TYW1B: variants seen among roughly 807,000 people sequenced by gnomAD.
TYW1B encodes the protein tRNA-yW synthesizing protein 1 homolog B.
Under a neutral mutation model 86.9 loss-of-function variants are expected in TYW1B, and 73 were observed. That is an observed-to-expected ratio of 0.84 (90% CI 0.70 to 1.02). The LOEUF is 1.02. Ranked by LOEUF, TYW1B falls within the 50% of genes least tolerant of loss-of-function variation. The pLI is 0.00. For synonymous variants in TYW1B, 248 were observed against 292.8 expected (o/e 0.85, Z 1.56); for missense variants, 637 against 827.4 (o/e 0.77, Z 2.82).
chr7:72,683,265 C>G (rs1813921816), intron 11 of TYW1B, among the ~76,000 whole-genome samples: 1 of 152,126 alleles, frequency 6.6e-6, no homozygotes, highest in African/African-American at 2.4e-5. Flanking sequence ...AGGGGTACAG[C>G]CTCACTAAAA....
intron 6 of TYW1B, among the ~76,000 whole-genome samples, chr7:72,780,225 T>G (rs1376068086): frequency 6.6e-6 from 1 of 152,178 alleles, no homozygotes; most frequent in East Asian, 1.9e-4. Flanking sequence ...CCGCCTCAGC[T>G]ACCCAAGTAG....
intron 13 of TYW1B, among the ~76,000 whole-genome samples, chr7:72,597,587 C>A (rs55948204): frequency 2.0e-5 from 3 of 150,032 alleles, no homozygotes; most frequent in African/African-American, 2.5e-5. Flanking sequence ...CTGAACGCAC[C>A]CGATCTCGGC....
intron 4 of TYW1B, among the ~76,000 whole-genome samples, chr7:72,810,175 G>A (rs1486135566): frequency 6.6e-6 from 1 of 152,090 alleles, no homozygotes; most frequent in African/African-American, 2.4e-5. Context: ...CTACTCGGGA[G>A]GTTGAGGCAG....
intron 9 of TYW1B, among the ~76,000 whole-genome samples, chr7:72,721,910 T>A (rs1164791705): frequency 6.6e-6 from 1 of 152,158 alleles, no homozygotes; most frequent in Non-Finnish European, 1.5e-5. Context: ...AAATTTTCAT[T>A]CTAATGTCAT....
At chr7:72,676,661 T>TA (rs113315400) in intron 11 of TYW1B, among the ~76,000 whole-genome samples, 76 of 146,826 alleles carry the variant, frequency 5.2e-4, no homozygotes, top group East Asian at 5.9e-4. Context: ...ATAAAGGCTT[T>TA]AAAAAAAAAA....
chr7:72,704,203 G>A (rs1554453241), intron 10 of TYW1B, among the ~76,000 whole-genome samples: 1 of 152,072 alleles, frequency 6.6e-6, no homozygotes, highest in Non-Finnish European at 1.5e-5. Context: ...GGAGGCCAAG[G>A]CAGGCAAATC....
At chr7:72,628,498 G>A (rs1182415462) in intron 12 of TYW1B, among the ~76,000 whole-genome samples, 4 of 152,080 alleles carry the variant, frequency 2.6e-5, no homozygotes, top group African/African-American at 7.2e-5. Flanking sequence ...TGGGTGGATG[G>A]GAGTTCATTA....
At chr7:72,680,755 C>T (rs1170580335) in intron 11 of TYW1B, among the ~76,000 whole-genome samples, 40 of 151,822 alleles carry the variant, frequency 2.6e-4, no homozygotes, top group Non-Finnish European at 2.9e-4. Context: ...CGATATGGAA[C>T]GATAAACACC....
At chr7:72,687,017 T>C (rs1554449552) in intron 11 of TYW1B, among the ~76,000 whole-genome samples, 1 of 152,122 alleles carries the variant, frequency 6.6e-6, no homozygotes, top group East Asian at 1.9e-4. Flanking sequence ...TTCATGACCT[T>C]GGGGTGGGCA....
At chr7:72,720,918 GC>G (rs1786886985) in intron 9 of TYW1B, among the ~76,000 whole-genome samples, 1 of 124,240 alleles carries the variant, frequency 8.0e-6, no homozygotes, top group Admixed American at 1.0e-4. Flanking sequence ...CCCATGACAG[GC>G]CCCGATGTGT....
At chr7:72,799,254 G>T (rs1788362587) in intron 6 of TYW1B, among the ~76,000 whole-genome samples, 1 of 145,244 alleles carries the variant, frequency 6.9e-6, no homozygotes, top group African/African-American at 2.5e-5. Context: ...TGCCGCCAGG[G>T]TTCAAAAGAT....
chr7:72,822,575 C>T (rs1484443905), intron 2 of TYW1B, among the ~76,000 whole-genome samples: 1 of 152,204 alleles, frequency 6.6e-6, no homozygotes, highest in African/African-American at 2.4e-5. Flanking sequence ...GAAGCTACGC[C>T]TTCTGAGGCA....
intron 11 of TYW1B, among the ~76,000 whole-genome samples, chr7:72,676,865 G>T (rs1214951429): frequency 6.6e-6 from 1 of 152,084 alleles, no homozygotes; most frequent in Non-Finnish European, 1.5e-5. Flanking sequence ...AGCTGAGGTG[G>T]GAGGATCGCT....
intron 11 of TYW1B, among the ~76,000 whole-genome samples, chr7:72,643,461 C>T (rs1481747572): frequency 1.3e-5 from 2 of 152,026 alleles, no homozygotes; most frequent in Admixed American, 1.3e-4. Context: ...GTGTTGCATG[C>T]CTGTAGTCCC....
At chr7:72,596,495 C>T (rs2129567952) in intron 13 of TYW1B, among the ~76,000 whole-genome samples, 1 of 152,186 alleles carries the variant, frequency 6.6e-6, no homozygotes, top group African/African-American at 2.4e-5. Flanking sequence ...CAAATATAGT[C>T]AAATTATCTT....
chr7:72,797,457 G>C (rs1585990919), intron 6 of TYW1B, among the ~76,000 whole-genome samples: 1 of 152,154 alleles, frequency 6.6e-6, no homozygotes, highest in Non-Finnish European at 1.5e-5. Flanking sequence ...CCACTCCCCA[G>C]AGTATCTCTT....
At chr7:72,768,502 T>G (rs1319619025) in intron 7 of TYW1B, among the ~76,000 whole-genome samples, 6 of 151,998 alleles carry the variant, frequency 3.9e-5, no homozygotes, top group African/African-American at 1.4e-4. Context: ...AAATCAAACC[T>G]GTAGGCCAGG....
intron 3 of TYW1B, among the ~76,000 whole-genome samples, chr7:72,813,318 G>A (rs1554478767): frequency 6.6e-6 from 1 of 152,026 alleles, no homozygotes; most frequent in Non-Finnish European, 1.5e-5. Flanking sequence ...TGGGATTACA[G>A]GCACCCACCA....
At chr7:72,679,918 C>T (rs1181350856) in intron 11 of TYW1B, among the ~76,000 whole-genome samples, 2 of 152,140 alleles carry the variant, frequency 1.3e-5, no homozygotes, top group African/African-American at 4.8e-5. Context: ...TCACTTGACG[C>T]CAGGAGTTCG....
Sources: gnomAD v4.1 joint callset for allele counts (sites outside exome capture counted in the v4.1 genomes callset) on GRCh38, gnomAD v4.1.1 for gene constraint, MANE v1.5 for transcripts, NCBI Gene and HGNC (gene_info 2026-07-23, HGNC 2026-07-21) for gene names.